Variants in MTREX observed in about 807,000 individuals in gnomAD.
The protein encoded by MTREX is exosome RNA helicase MTR4.
MTREX carries 76 observed loss-of-function variants against 135.4 expected under a neutral mutation model. That is an observed-to-expected ratio of 0.56 (90% CI 0.47 to 0.68). The LOEUF is 0.68. Among genes scored for constraint, MTREX ranks in the 30% least tolerant of loss-of-function variants. The pLI is 0.00. For missense variants in MTREX, 920 were observed against 1,262.1 expected (o/e 0.73, Z 4.11); for synonymous variants, 404 against 401.6 (o/e 1.01, Z -0.07).
rs1579901302 is a variant in MTREX, at chr5:55,411,527, T to C, written c.2751+898T>C. Among the ~76,000 whole-genome samples, 3 of 152,080 alleles carry C rather than the reference T, an allele frequency of 2.0e-5. No individual in the cohort carries two copies. The East Asian group carries it at 5.8e-4, about 29-fold the overall frequency. On this transcript the variant is annotated intron_variant, in intron 23 of 26. Coordinates refer to ENST00000230640, the MANE Select transcript of MTREX (RefSeq NM_015360.5). ...ATGTATTCAGTGAAACCACACTTAA[T>C]TGGTCTGTTTACCTGTTAACTGTTT... is the stretch of plus-strand genomic sequence containing the variant.
rs571610832 is a variant in MTREX at position 55,376,914 on chromosome 5, T to TA, written c.1811-1399dup. ...GTGAAACCCCCGTCTCTACTAAAAA[T>TA]ACAAGAATTAGCTGGGCATGGTGTG... is the stretch of plus-strand genomic sequence containing the variant. On this transcript the variant is annotated intron_variant, in intron 16 of 26. Transcript: ENST00000230640. Among the ~76,000 whole-genome samples the TA allele has an allele frequency of 2.4e-3, 362 of 151,608 alleles. 4 individuals are homozygous for TA. The highest frequency in any genetic ancestry group is 8.2e-3 in the African/African-American group (337 of 41,246).
chr5:55,349,720 C>A, intron 12 of MTREX, 68 bp downstream of exon 12: 1 of 871,768 alleles, frequency 1.1e-6, no homozygotes, highest in Non-Finnish European at 1.9e-6. Context: ...CTTTACATTG[C>A]TTGGTTTTAT....
intron 5 of MTREX, among the ~76,000 whole-genome samples, chr5:55,335,165 A>G (rs993525709): frequency 2.0e-5 from 3 of 152,146 alleles, no homozygotes; most frequent in African/African-American, 4.8e-5. Context: ...GATGTTTTAA[A>G]TTGGGTTGTT....
intron 1 of MTREX, among the ~76,000 whole-genome samples, chr5:55,321,896 C>T (rs185942339): frequency 2.0e-5 from 3 of 152,234 alleles, no homozygotes; most frequent in African/African-American, 7.2e-5. Flanking sequence ...GTATGAGCCA[C>T]CGTGCCCGGC....
chr5:55,411,970 A>G (rs1470466972), intron 23 of MTREX, among the ~76,000 whole-genome samples: 1 of 152,146 alleles, frequency 6.6e-6, no homozygotes, highest in Non-Finnish European at 1.5e-5. Flanking sequence ...TTTTGGCACT[A>G]TTACAATAGT....
intron 19 of MTREX, among the ~76,000 whole-genome samples, chr5:55,392,504 CT>C (rs1750585950): frequency 6.9e-6 from 1 of 144,262 alleles, no homozygotes; most frequent in Non-Finnish European, 1.5e-5. Flanking sequence ...GATTGTGTCA[CT>C]TCACTTCAGC....
chr5:55,315,905 A>G (rs13154710), intron 1 of MTREX, among the ~76,000 whole-genome samples: 9,022 of 151,582 alleles, frequency 0.06, 478 homozygotes, highest in African/African-American at 0.12. Context: ...TCATTGTTTT[A>G]TACCCCGGCA....
At chr5:55,375,181 G>A (rs558092292) in intron 16 of MTREX, among the ~76,000 whole-genome samples, 34 of 152,218 alleles carry the variant, frequency 2.2e-4, no homozygotes, top group Middle Eastern at 3.4e-3. Context: ...ATGAAGTTTC[G>A]GGCACCACTG....
chr5:55,416,370 T>G (rs766543152), intron 25 of MTREX, among the ~76,000 whole-genome samples: 2 of 152,022 alleles, frequency 1.3e-5, no homozygotes, highest in Admixed American at 6.6e-5. Flanking sequence ...TCTGTGCAGT[T>G]GTAATTCTAT....
At chr5:55,327,854 AT>A in intron 4 of MTREX, 76 bp downstream of exon 4, 3 of 1,108,366 alleles carry the variant, frequency 2.7e-6, no homozygotes, top group Non-Finnish European at 4.1e-6. Context: ...TTCAAATGAG[AT>A]TTTTATATTT....
At position 55,424,980 on chromosome 5, in the gene MTREX, ACTGTTTTGGTGGAAGG is replaced by A. The variant is rs541479417; in HGVS notation, c.*211_*226del. 4.0e-4 allele frequency: 262 copies of A among 657,174 alleles called. 1 individual carries two copies. The South Asian group carries it at 5.5e-3, about 14-fold the overall frequency. 40.7% of individuals were successfully genotyped at this position (657,174 alleles called of 1,614,324 possible). A position where few individuals can be genotyped will look rare whatever the true frequency, so the allele number is the denominator to read the frequency against. The stretch of plus-strand genomic sequence containing the variant: ...TAATAAAAATGTATACAGGTGGGGC[ACTGTTTTGGTGGAAGG>A]CTTGGAGTTTTTTTAATGAGTTTAG... On this transcript the variant is annotated 3_prime_UTR_variant, in exon 27 of 27. Coordinates refer to ENST00000230640, the MANE Select transcript of MTREX (RefSeq NM_015360.5).
chr5:55,327,741 A>G lies in MTREX; in HGVS notation c.365A>G (p.Tyr122Cys), dbSNP rs761576753. The G allele has an allele frequency of 9.9e-6, 16 of 1,613,452 alleles. No homozygotes were observed. The South Asian group carries it at 1.2e-4, about 12-fold the overall frequency. ...GTTGCACTTCCTGCAGAAGAGGATT[A>G]TTTACCACTTAAACCACGAGTTGGA... ...HEVALPAEED[Y>C]LPLKPRVGKA... Residue 122 changes from tyrosine to cysteine, a missense_variant, in exon 4 of 27, where the codon TAT (tyrosine) becomes TGT (cysteine). Around this residue, in one of 6 missense-constraint regions of MTREX, gnomAD observed 82 missense variants for 107.4 expected, o/e 0.76. Coordinates refer to ENST00000230640, the MANE Select transcript of MTREX (RefSeq NM_015360.5).
At chr5:55,328,856 CT>C (rs756051731) in intron 5 of MTREX, 45 bp downstream of exon 5, 2 of 1,262,310 alleles carry the variant, frequency 1.6e-6, no homozygotes, top group East Asian at 2.4e-5. Flanking sequence ...TTATTTCACT[CT>C]TTAAAAGTTT....
intron 23 of MTREX, among the ~76,000 whole-genome samples, chr5:55,411,181 G>T (rs1308562027): frequency 1.3e-5 from 2 of 152,158 alleles, no homozygotes; most frequent in Non-Finnish European, 2.9e-5. Flanking sequence ...AAAATGAAGT[G>T]CTGGGTGGAA....
rs1750704544 is a variant in MTREX, at chr5:55,400,313, A to G, written c.2373A>G (p.Lys791=). The change falls in exon 21 of 27, where the codon AAA becomes AAG. Residue 791 remains lysine (K), a synonymous_variant. Transcript: ENST00000230640. ...DDMGIQDQGL[K]KVIQKVEAFE... ...TGGGCATTCAAGATCAAGGGCTGAA[A>G]AAAGTCATTCAGAAAGTAGAAGCTT... is the stretch of plus-strand genomic sequence containing the variant. 6.2e-7 allele frequency: 1 copy of G among 1,613,718 alleles called. No individual in the cohort carries two copies.
At chr5:55,349,803 TTTAAAC>T in intron 12 of MTREX, 151 bp downstream of exon 12, 1 of 507,324 alleles carries the variant, frequency 2.0e-6, no homozygotes, top group East Asian at 3.4e-5. Context: ...TGACTTTTAC[TTTAAAC>T]TTCAAAAAGG....
intron 19 of MTREX, among the ~76,000 whole-genome samples, chr5:55,389,102 T>C (rs1019769293): frequency 2.6e-5 from 4 of 152,224 alleles, no homozygotes; most frequent in Non-Finnish European, 5.9e-5. Context: ...CTCCTTTTCT[T>C]AGTATTCTAA....
In MTREX at chr5:55,373,163, A is replaced by AT. The variant is rs201810075; in HGVS notation, c.1811-5143dup. ...TTTGTCTTAGATCTGTTCATAATAA[A>AT]TTTTTTTTGACTTACTTTGTCTTAT... On this transcript the variant is annotated intron_variant, in intron 16 of 26. Transcript: ENST00000230640. Among the ~76,000 whole-genome samples, 18 of 144,142 alleles carry AT rather than the reference A, an allele frequency of 1.2e-4. No homozygotes were observed. In the East Asian group the frequency reaches 3.0e-3, roughly 24 times the overall value. The allele number at this position is 144,142 out of a possible 152,430, so 94.6% of individuals were successfully genotyped here.
chr5:55,318,148 G>A (rs926779708), intron 1 of MTREX, among the ~76,000 whole-genome samples: 4 of 152,160 alleles, frequency 2.6e-5, no homozygotes, highest in African/African-American at 7.2e-5. Context: ...GCAGAGAAAA[G>A]GGATCACTTA....
Sources: allele counts gnomAD v4.1 joint callset (sites outside exome capture counted in the v4.1 genomes callset), GRCh38; gene constraint gnomAD v4.1.1; regional missense constraint gnomAD v4.1.1; transcripts MANE v1.5; gene names NCBI Gene and HGNC (gene_info 2026-07-23, HGNC 2026-07-21).